The following ASTN2 variants were observed in gnomAD, a reference collection of about 807,000 sequenced individuals.
ASTN2 encodes astrotactin-2.
A neutral mutation model predicts 139.8 loss-of-function variants in ASTN2; 54 were observed. The ratio of observed to expected loss-of-function variants is 0.39; its 90% confidence interval spans 0.31 to 0.48. The LOEUF is 0.48. ASTN2 is among the 20% of genes least tolerant of loss of function. The probability of loss-of-function intolerance (pLI) is 0.95; values close to 1 mark genes in which losing one functional copy is unlikely to be tolerated. For synonymous variants in ASTN2, 756 were observed against 719.5 expected (o/e 1.05, Z -0.81); for missense variants, 1,565 against 1,725.1 (o/e 0.91, Z 1.64).
At chr9:117,050,020 A>G (rs1471053076) in intron 5 of ASTN2, among the ~76,000 whole-genome samples, 1 of 152,168 alleles carries the variant, frequency 6.6e-6, no homozygotes, top group Non-Finnish European at 1.5e-5. Context: ...ATAGGTGACT[A>G]TCAATCGACT....
chr9:117,348,680 A>G (rs950265436), intron 1 of ASTN2, among the ~76,000 whole-genome samples: 1 of 152,152 alleles, frequency 6.6e-6, no homozygotes, highest in Non-Finnish European at 1.5e-5. Flanking sequence ...AATCTGGGCT[A>G]AGATTCTTTC....
intron 3 of ASTN2, among the ~76,000 whole-genome samples, chr9:117,152,301 T>C (rs1432822543): frequency 1.3e-5 from 2 of 152,220 alleles, no homozygotes; most frequent in Admixed American, 1.3e-4. Context: ...AAGTTCTCCA[T>C]TTCCCTTTGG....
At chr9:116,513,213 C>T (rs766037924) in intron 19 of ASTN2, among the ~76,000 whole-genome samples, 32 of 152,170 alleles carry the variant, frequency 2.1e-4, no homozygotes, top group Admixed American at 5.9e-4. Flanking sequence ...CAAAATCTCT[C>T]AGCATTTGCT....
chr9:116,463,481 T>A (rs1433264055), intron 20 of ASTN2, among the ~76,000 whole-genome samples: 1 of 152,180 alleles, frequency 6.6e-6, no homozygotes, highest in African/African-American at 2.4e-5. Flanking sequence ...AAACAACATA[T>A]TGTTTCTCAA....
intron 5 of ASTN2, among the ~76,000 whole-genome samples, chr9:117,051,780 C>T (rs1435761641): frequency 1.3e-5 from 2 of 152,138 alleles, no homozygotes. Context: ...AGGAAGAGGG[C>T]AGGAGGACAG....
At chr9:116,488,065 C>A (rs1332703131) in intron 19 of ASTN2, among the ~76,000 whole-genome samples, 1 of 152,092 alleles carries the variant, frequency 6.6e-6, no homozygotes, top group East Asian at 1.9e-4. Flanking sequence ...TGATGAAGGT[C>A]ATGGAACCTT....
chr9:117,325,707 A>G (rs1587949153), intron 1 of ASTN2, among the ~76,000 whole-genome samples: 1 of 152,140 alleles, frequency 6.6e-6, no homozygotes, highest in East Asian at 1.9e-4. Flanking sequence ...ACTTTCCCTC[A>G]CGCCCTCCCA....
chr9:116,429,011 G>C (rs891736996), intron 22 of ASTN2, among the ~76,000 whole-genome samples: 1 of 152,050 alleles, frequency 6.6e-6, no homozygotes, highest in East Asian at 1.9e-4. Context: ...GTTGTTTGAG[G>C]AGAACTGAGC....
intron 1 of ASTN2, among the ~76,000 whole-genome samples, chr9:117,351,400 C>G (rs1829381906): frequency 1.3e-5 from 2 of 151,998 alleles, no homozygotes; most frequent in South Asian, 4.1e-4. Context: ...AAAACTGAAA[C>G]AAAACAAAAA....
chr9:116,609,379 G>GTGTA (rs1448736644), intron 19 of ASTN2, among the ~76,000 whole-genome samples: 2 of 116,726 alleles, frequency 1.7e-5, no homozygotes, highest in East Asian at 4.6e-4. Flanking sequence ...ATATATGGGT[G>GTGTA]TATATATATA....
chr9:117,211,121 C>A (rs537212917), intron 3 of ASTN2, among the ~76,000 whole-genome samples: 25 of 152,094 alleles, frequency 1.6e-4, no homozygotes, highest in Middle Eastern at 3.4e-3. Flanking sequence ...CCAAACAAGA[C>A]AAAAATGTCC....
At chr9:116,718,615 T>C (rs1260587961) in intron 16 of ASTN2, among the ~76,000 whole-genome samples, 1 of 152,130 alleles carries the variant, frequency 6.6e-6, no homozygotes, top group African/African-American at 2.4e-5. Flanking sequence ...TTGTCCTCCT[T>C]AATGTGAGTG....
At chr9:117,405,321 C>T (rs963358098) in intron 1 of ASTN2, among the ~76,000 whole-genome samples, 7 of 152,216 alleles carry the variant, frequency 4.6e-5, no homozygotes, top group African/African-American at 1.7e-4. Context: ...TGTATAATAG[C>T]TGTGTGATCT....
At chr9:116,694,673 G>A (rs1177446685) in intron 16 of ASTN2, among the ~76,000 whole-genome samples, 15 of 144,674 alleles carry the variant, frequency 1.0e-4, no homozygotes, top group South Asian at 2.2e-4. Flanking sequence ...GAGTTTCACC[G>A]TCTTAGCCAG....
intron 10 of ASTN2, among the ~76,000 whole-genome samples, chr9:116,938,173 A>G (rs1054637674): frequency 5.9e-5 from 9 of 152,166 alleles, no homozygotes; most frequent in African/African-American, 2.2e-4. Flanking sequence ...CCTGTACTGT[A>G]ATACACTAGA....
At chr9:116,599,512 T>C (rs1854760706) in intron 19 of ASTN2, among the ~76,000 whole-genome samples, 1 of 152,238 alleles carries the variant, frequency 6.6e-6, no homozygotes, top group South Asian at 2.1e-4. Context: ...ACAACAATTC[T>C]GAGAAGCACC....
chr9:116,624,468 T>C (rs1856338807), intron 17 of ASTN2, among the ~76,000 whole-genome samples: 1 of 152,198 alleles, frequency 6.6e-6, no homozygotes, highest in Non-Finnish European at 1.5e-5. Context: ...TCAAATGCTA[T>C]GAAGTAATAC....
intron 3 of ASTN2, among the ~76,000 whole-genome samples, chr9:117,143,721 T>C (rs1331673496): frequency 6.6e-6 from 1 of 151,826 alleles, no homozygotes; most frequent in Non-Finnish European, 1.5e-5. Flanking sequence ...ATGGTTTTGG[T>C]GAGATTTCTC....
At chr9:117,340,219 C>T (rs372477372) in intron 1 of ASTN2, among the ~76,000 whole-genome samples, 33 of 150,432 alleles carry the variant, frequency 2.2e-4, no homozygotes, top group African/African-American at 7.1e-4. Flanking sequence ...ATAATCCCAG[C>T]GACTCGGGAG....
Sources: gnomAD v4.1 joint callset for allele counts (sites outside exome capture counted in the v4.1 genomes callset) on GRCh38, gnomAD v4.1.1 for gene constraint, MANE v1.5 for transcripts, NCBI Gene and HGNC (gene_info 2026-07-23, HGNC 2026-07-21) for gene names.